The following RAD51B variants were observed in gnomAD, a reference collection of about 807,000 sequenced individuals.
RAD51B encodes the protein RAD51 paralog B.
A neutral mutation model predicts 42.2 loss-of-function variants in RAD51B; 38 were observed. The observed-to-expected ratio is 0.90, with a 90% CI of 0.70 to 1.18. The LOEUF is 1.18. Among genes scored for constraint, RAD51B ranks in the 50% most tolerant of loss-of-function variants. RAD51B has a pLI of 0.00. For missense variants in RAD51B, 373 were observed against 400.7 expected (o/e 0.93, Z 0.59); for synonymous variants, 154 against 145.2 (o/e 1.06, Z -0.43).
chr14:68,667,417 T>A (rs371294796), intron 11 of RAD51B, among the ~76,000 whole-genome samples: 12,731 of 152,080 alleles, frequency 0.084, 601 homozygotes, highest in Middle Eastern at 0.13. Context: ...TTGCTTAAAG[T>A]CAGCTGGTTG....
chr14:68,570,693 T>C (rs1465557783), intron 10 of RAD51B, among the ~76,000 whole-genome samples: 1 of 152,226 alleles, frequency 6.6e-6, no homozygotes, highest in East Asian at 1.9e-4. Flanking sequence ...CCAGCCAAGC[T>C]TCCCCCTATG....
intron 7 of RAD51B, among the ~76,000 whole-genome samples, chr14:68,192,934 G>A (rs2079295736): frequency 1.3e-5 from 2 of 152,146 alleles, no homozygotes; most frequent in South Asian, 4.1e-4. Flanking sequence ...TGTGTTGATT[G>A]TCAGCTTCAT....
intron 7 of RAD51B, among the ~76,000 whole-genome samples, chr14:67,989,098 C>T (rs2075244752): frequency 6.6e-6 from 1 of 152,194 alleles, no homozygotes; most frequent in African/African-American, 2.4e-5. Flanking sequence ...TGGTGGTTTC[C>T]TGATCTATCC....
At chr14:68,681,577 G>C (rs1419451615) in intron 11 of RAD51B, among the ~76,000 whole-genome samples, 1 of 152,212 alleles carries the variant, frequency 6.6e-6, no homozygotes, top group African/African-American at 2.4e-5. Flanking sequence ...GGTTTGACAA[G>C]AGAGTTTCCT....
rs117256596 is a variant in RAD51B, at chr14:67,987,090, A to C, written c.756+99886A>C. ...TAGTCAGTGTATATATTTATGGGGT[A>C]CATGGTATGTTTTGATACAGGCATA... On this transcript the variant is annotated intron_variant, in intron 7 of 10. Coordinates refer to ENST00000471583, the MANE Select transcript of RAD51B (RefSeq NM_133510.4). Among the ~76,000 whole-genome samples the C allele has an allele frequency of 8.3e-3, 1,267 of 152,254 alleles. 9 individuals carry two copies. The highest frequency in any genetic ancestry group is 0.014 in the Middle Eastern group (4 of 294).
chr14:68,605,983 T>C (rs1891429757), intron 10 of RAD51B, among the ~76,000 whole-genome samples: 1 of 152,204 alleles, frequency 6.6e-6, no homozygotes. Context: ...TCAGGATCCC[T>C]GAACTCTGAA....
chr14:67,973,127 T>G (rs529605757), intron 7 of RAD51B, among the ~76,000 whole-genome samples: 2 of 152,240 alleles, frequency 1.3e-5, no homozygotes, highest in African/African-American at 4.8e-5. Flanking sequence ...CTAAGGCTGC[T>G]GAAAGGTACA....
At chr14:67,902,410 C>T (rs2043641961) in intron 7 of RAD51B, among the ~76,000 whole-genome samples, 1 of 152,110 alleles carries the variant, frequency 6.6e-6, no homozygotes, top group South Asian at 2.1e-4. Context: ...GATTTAGTGA[C>T]TGTTTTTATC....
intron 7 of RAD51B, among the ~76,000 whole-genome samples, chr14:68,017,297 G>C (rs556984376): frequency 6.6e-6 from 1 of 152,200 alleles, no homozygotes; most frequent in South Asian, 2.1e-4. Context: ...CTAGGTTCAA[G>C]TTATTCTTCT....
chr14:68,562,537 T>C (rs1208377768), intron 10 of RAD51B: 1 of 985,344 alleles, frequency 1.0e-6, no homozygotes, highest in East Asian at 1.1e-4. Context: ...CCCACAGCCA[T>C]GTTTTGGCAC....
Position 68,136,575 on chromosome 14 carries a change from C to CAAAAAAAAAAA in RAD51B, c.757-155293_757-155283dup, listed in dbSNP as rs1204817902. On this transcript the variant is annotated intron_variant, in intron 7 of 10. Coordinates refer to ENST00000471583, the MANE Select transcript of RAD51B (RefSeq NM_133510.4). ...TGTGGTGACAAATGAGACTCCATCTCAAAAAAAAAAAAAAAAAAAAAAAAA... is the reference window on the plus strand; with the variant it reads ...TGTGGTGACAAATGAGACTCCATCTCAAAAAAAAAAAAAAAAAAAAAAAAAAAAAAAAAAAA... 5.4e-3 allele frequency among the ~76,000 whole-genome samples: 24 copies of CAAAAAAAAAAA among 4,452 alleles called. 4 individuals carry two copies. Among genetic ancestry groups the CAAAAAAAAAAA allele is most frequent in the African/African-American group, 8.1e-3 (23 of 2,834 alleles). 2.9% of individuals were successfully genotyped at this position (4,452 alleles called of 152,430 possible). A position where few individuals can be genotyped will look rare whatever the true frequency, so the allele number is the denominator to read the frequency against.
chr14:68,052,247 A>T (rs2076404693), intron 7 of RAD51B, among the ~76,000 whole-genome samples: 2 of 152,234 alleles, frequency 1.3e-5, no homozygotes, highest in Non-Finnish European at 2.9e-5. Flanking sequence ...CATGAGTAAC[A>T]CCATCAAAGT....
rs1256954872 is a variant in RAD51B at position 68,478,000 on chromosome 14, A to C, written c.*336A>C. 1 of 1,113,010 alleles carries C rather than the reference A, an allele frequency of 9.0e-7. No individual in the cohort carries two copies. The highest frequency in any genetic ancestry group is 1.6e-5 in the African/African-American group (1 of 62,168). The allele number at this position is 1,113,010 out of a possible 1,614,324, so 68.9% of individuals were successfully genotyped here. A position where few individuals can be genotyped will look rare whatever the true frequency, so the allele number is the denominator to read the frequency against. ...GCGGTTTAACCACATTAATTAATTA[A>C]AGCCCACAATCCTCCTGGGGAGAGG... is the stretch of plus-strand genomic sequence containing the variant. On this transcript the variant is annotated 3_prime_UTR_variant, in exon 11 of 11. Coordinates refer to ENST00000471583, the MANE Select transcript of RAD51B (RefSeq NM_133510.4).
Position 67,835,061 on chromosome 14 carries a change from T to G in RAD51B, c.199-19T>G, listed in dbSNP as rs2041185154. The G allele has an allele frequency of 6.4e-7, 1 of 1,572,294 alleles. No individual in the cohort carries two copies. The highest frequency in any genetic ancestry group is 8.7e-7 in the Non-Finnish European group (1 of 1,146,214). On this transcript the variant is annotated intron_variant, in intron 3 of 10. Coordinates refer to ENST00000471583, the MANE Select transcript of RAD51B (RefSeq NM_133510.4). Reference sequence around the variant, plus strand: ...TATATATAGAGGTTGAAAAAAAACTTAATCATTTTCTTGTTTAGGCTTATG... The same window carrying G: ...TATATATAGAGGTTGAAAAAAAACTGAATCATTTTCTTGTTTAGGCTTATG...
chr14:68,612,973 T>TG (rs1491033103), downstream of RAD51B, among the ~76,000 whole-genome samples: 509 of 152,136 alleles, frequency 3.3e-3, 3 homozygotes, highest in African/African-American at 0.011. Context: ...GAGAGGTGTG[T>TG]TTGTGTGTGT....
chr14:68,376,655 A>G (rs912470152), intron 8 of RAD51B, among the ~76,000 whole-genome samples: 2 of 152,250 alleles, frequency 1.3e-5, no homozygotes, highest in Admixed American at 1.3e-4. Flanking sequence ...CAGAGACCAC[A>G]TAGTACCAGA....
In RAD51B at chr14:68,190,755, T is replaced by C. The variant is rs1427843274; in HGVS notation, c.757-101129T>C. ...AGTTAGTTTTTACTTTTATGGTTAA[T>C]TGTCTTAATTTAACAAGTGTCCATT... On this transcript the variant is annotated intron_variant, in intron 7 of 10. Transcript: ENST00000471583. 2.6e-5 allele frequency among the ~76,000 whole-genome samples: 4 copies of C among 152,218 alleles called. No homozygotes were observed. The South Asian group carries it at 6.2e-4, about 24-fold the overall frequency.
intron 7 of RAD51B, among the ~76,000 whole-genome samples, chr14:68,073,332 A>G (rs2076783497): frequency 6.6e-6 from 1 of 152,194 alleles, no homozygotes; most frequent in Non-Finnish European, 1.5e-5. Context: ...GTCTGAAATA[A>G]GAATAGCAAC....
chr14:67,945,353 T>C (rs1260429473), intron 7 of RAD51B, among the ~76,000 whole-genome samples: 2 of 152,220 alleles, frequency 1.3e-5, no homozygotes, highest in Non-Finnish European at 2.9e-5. Flanking sequence ...CCCTTTCATC[T>C]TGGGACATTA....
Sources: gnomAD v4.1 joint callset for allele counts (sites outside exome capture counted in the v4.1 genomes callset) on GRCh38, gnomAD v4.1.1 for gene constraint, MANE v1.5 for transcripts, NCBI Gene and HGNC (gene_info 2026-07-23, HGNC 2026-07-21) for gene names.